TSHZ3: variants seen among roughly 807,000 people sequenced by gnomAD.
TSHZ3 encodes the protein teashirt zinc finger homeobox 3.
In TSHZ3, 10 loss-of-function variants were observed where a neutral mutation model predicts 64.5. The ratio of observed to expected loss-of-function variants is 0.16; its 90% CI spans 0.10 to 0.26. The LOEUF (loss-of-function observed/expected upper bound fraction) is 0.26. TSHZ3 is among the 10% of genes least tolerant of loss of function. The pLI is 1.00. For missense variants in TSHZ3, 1,242 were observed against 1,421.7 expected (o/e 0.87, Z 2.03); for synonymous variants, 608 against 593.1 (o/e 1.03, Z -0.36).
intron 5 of TSHZ3, among the ~76,000 whole-genome samples, chr19:31,167,092 A>G (rs901019137): frequency 1.8e-4 from 28 of 152,190 alleles, no homozygotes; most frequent in African/African-American, 6.3e-4. Flanking sequence ...ACAGGGCTTC[A>G]CGCAGTAGGG....
At chr19:31,259,240 C>T (rs1374910031) in intron 1 of TSHZ3, among the ~76,000 whole-genome samples, 1 of 152,142 alleles carries the variant, frequency 6.6e-6, no homozygotes, top group Non-Finnish European at 1.5e-5. Flanking sequence ...AGTAGAGGAG[C>T]TGTTCCTTAA....
intron 6 of TSHZ3, among the ~76,000 whole-genome samples, chr19:31,154,847 G>T (rs946130902): frequency 1.4e-5 from 2 of 142,196 alleles, no homozygotes; most frequent in Non-Finnish European, 1.6e-5. Context: ...GCAGGGTTTT[G>T]TGGGGGGACA....
chr19:31,199,497 A>G (rs1394955892), intron 5 of TSHZ3, among the ~76,000 whole-genome samples: 2 of 151,406 alleles, frequency 1.3e-5, no homozygotes, highest in Non-Finnish European at 2.9e-5. Context: ...TAATCTTTTC[A>G]CAAATGATGC....
chr19:31,236,004 G>A (rs111418246), intron 3 of TSHZ3, among the ~76,000 whole-genome samples: 2,349 of 152,078 alleles, frequency 0.015, 58 homozygotes, highest in African/African-American at 0.049. Flanking sequence ...GCCCAGCCAC[G>A]TATTTGTTAT....
chr19:31,207,602 A>C (rs1361227785), intron 4 of TSHZ3: 1 of 152,186 alleles, frequency 6.6e-6, no homozygotes, highest in East Asian at 1.9e-4. Flanking sequence ...GGAGAGAACT[A>C]ACATGTCTAA....
At chr19:31,311,669 G>A (rs16965463) in intron 1 of TSHZ3, among the ~76,000 whole-genome samples, 6,954 of 152,244 alleles carry the variant, frequency 0.046, 444 homozygotes, top group African/African-American at 0.12. Context: ...TGAGAATCCC[G>A]TTTAGGGTCC....
At chr19:31,274,227 A>G (rs1320200747), downstream of TSHZ3, among the ~76,000 whole-genome samples, 1 of 152,178 alleles carries the variant, frequency 6.6e-6, no homozygotes, top group African/African-American at 2.4e-5. Context: ...ATGATTCTGC[A>G]TAACTGCAAG....
intron 3 of TSHZ3, among the ~76,000 whole-genome samples, chr19:31,237,940 G>A (rs770458883): frequency 5.9e-5 from 9 of 151,992 alleles, no homozygotes; most frequent in Non-Finnish European, 1.0e-4. Flanking sequence ...CTAATTTAAC[G>A]CCATGTGGTC....
intron 1 of TSHZ3, among the ~76,000 whole-genome samples, chr19:31,255,216 T>A (rs781366781): frequency 3.3e-5 from 5 of 152,106 alleles, no homozygotes; most frequent in Admixed American, 6.5e-5. Context: ...CCAAAACCCC[T>A]CTGCAGTAGG....
intron 1 of TSHZ3, among the ~76,000 whole-genome samples, chr19:31,253,290 A>G (rs1975865215): frequency 6.6e-6 from 1 of 152,190 alleles, no homozygotes; most frequent in South Asian, 2.1e-4. Context: ...TAAGGTTTCT[A>G]AGACACACAT....
chr19:31,301,847 C>T lies in TSHZ3; in HGVS notation c.41-22095G>A, dbSNP rs1307170999. ...CCTATGCTGCCTTTGGTAAGGCACA[C>T]CAAAGGCCCCTCATACCCACCCCAT... On this transcript the variant is annotated intron_variant, in intron 1 of 1. Transcript: ENST00000240587. Among the ~76,000 whole-genome samples, 8 of 152,122 alleles carry T rather than the reference C, an allele frequency of 5.3e-5. No homozygotes were observed. The East Asian group carries it at 1.5e-3, about 29-fold the overall frequency.
intron 5 of TSHZ3, among the ~76,000 whole-genome samples, chr19:31,186,007 C>T (rs1025163159): frequency 6.6e-6 from 1 of 152,216 alleles, no homozygotes; most frequent in Non-Finnish European, 1.5e-5. Context: ...CCATAGGCCA[C>T]TCATTTCTAC....
At chr19:31,326,551 C>T (rs991025333) in intron 1 of TSHZ3, among the ~76,000 whole-genome samples, 1 of 152,262 alleles carries the variant, frequency 6.6e-6, no homozygotes, top group Admixed American at 6.5e-5. Context: ...CACACCCACA[C>T]CCAGATGCTC....
chr19:31,236,607 A>AT (rs1189768701), intron 3 of TSHZ3, among the ~76,000 whole-genome samples: 4 of 151,954 alleles, frequency 2.6e-5, no homozygotes, highest in Non-Finnish European at 2.9e-5. Context: ...CACTCTGTTT[A>AT]TTTTTTTCCT....
rs369418666 is a variant in TSHZ3, at chr19:31,206,068, A to G, written n.687-990T>C. Among the ~76,000 whole-genome samples the G allele has an allele frequency of 7.1e-3, 1,044 of 146,792 alleles. 7 individuals carry two copies. Among genetic ancestry groups the G allele is most frequent in the African/African-American group, 0.024 (954 of 39,852 alleles). ...GAGTGGAAGATAAATGAATAGATGG[A>G]TGGGTGAAATGGATGGATGGATGGA... On this transcript the variant is annotated intron_variant and non_coding_transcript_variant, in intron 4 of 6. Transcript: ENST00000651361.
At chr19:31,338,872 T>C (rs1020145418) in intron 1 of TSHZ3, among the ~76,000 whole-genome samples, 2 of 151,634 alleles carry the variant, frequency 1.3e-5, no homozygotes, top group Non-Finnish European at 2.9e-5. Context: ...GGGAGTCTTC[T>C]GTATTGCACA....
chr19:31,254,153 C>A (rs1051773522), intron 1 of TSHZ3, among the ~76,000 whole-genome samples: 14 of 152,230 alleles, frequency 9.2e-5, no homozygotes, highest in African/African-American at 2.9e-4. Flanking sequence ...GAGTGACCTG[C>A]TGACCAGCCA....
chr19:31,250,251 T>C (rs1975819549), intron 1 of TSHZ3, among the ~76,000 whole-genome samples: 1 of 152,238 alleles, frequency 6.6e-6, no homozygotes, highest in Admixed American at 6.5e-5. Flanking sequence ...GTCTAAATCA[T>C]CTTTTCCCTT....
At chr19:31,167,391 C>T (rs1974469345) in intron 5 of TSHZ3, 1 of 152,326 alleles carries the variant, frequency 6.6e-6, no homozygotes, top group South Asian at 2.1e-4. Context: ...CAAGCCCCCT[C>T]ACTTTAAAAA....
Sources: allele counts gnomAD v4.1 joint callset (sites outside exome capture counted in the v4.1 genomes callset), GRCh38; gene constraint gnomAD v4.1.1; transcripts MANE v1.5; gene names NCBI Gene and HGNC (gene_info 2026-07-23, HGNC 2026-07-21).